Variants in SCGB2B2 observed in about 807,000 individuals in gnomAD.
The protein encoded by SCGB2B2 is secretoglobin-like protein.
A neutral mutation model predicts 7.6 loss-of-function variants in SCGB2B2; 11 were observed. The observed-to-expected ratio is 1.45, with a 90% CI of 0.91 to 2.40. SCGB2B2 has a LOEUF of 2.40. Among genes scored for constraint, SCGB2B2 ranks in the 30% most tolerant of loss-of-function variants. The pLI, the probability that SCGB2B2 is intolerant of heterozygous loss-of-function variation, is 0.00. For synonymous variants in SCGB2B2, 50 were observed against 48.6 expected (o/e 1.03, Z -0.12); for missense variants, 104 against 115.4 (o/e 0.90, Z 0.45).
At chr19:34,665,312 T>C (rs979984587) in intron 1 of SCGB2B2, among the ~76,000 whole-genome samples, 2 of 152,192 alleles carry the variant, frequency 1.3e-5, no homozygotes, top group African/African-American at 4.8e-5. Context: ...TAAACCTTCA[T>C]GGAACTGCTG....
chr19:34,669,369 A>C lies in SCGB2B2; in HGVS notation c.-2032+6261T>G, dbSNP rs1223561752. 2.0e-5 allele frequency among the ~76,000 whole-genome samples: 3 copies of C among 152,356 alleles called. No homozygotes were observed. The East Asian group carries it at 5.8e-4, about 29-fold the overall frequency. The stretch of plus-strand genomic sequence containing the variant: ...ACTAATTTTCACGAAAGCTGCACCT[A>C]ATCTGCTACCCATTCAGACAAACAA... On this transcript the variant is annotated intron_variant, in intron 1 of 3. Coordinates refer to ENST00000601241, the MANE Select transcript of SCGB2B2 (RefSeq NM_001025591.4).
rs1034626046 is a variant in SCGB2B2, at chr19:34,633,431, C to T, written c.-2031-36837G>A. Reference sequence around the variant, plus strand: ...TGGAGTATCTATATAAAGCTATACACGAGTCTGTAATAAAACAATGAAGTG... The same window carrying T: ...TGGAGTATCTATATAAAGCTATACATGAGTCTGTAATAAAACAATGAAGTG... On this transcript the variant is annotated intron_variant, in intron 1 of 3. Transcript: ENST00000601241. 5.9e-5 allele frequency among the ~76,000 whole-genome samples: 9 copies of T among 152,180 alleles called. No individual in the cohort carries two copies. In the East Asian group the frequency reaches 1.2e-3, roughly 20 times the overall value.
rs1001078943 is a variant in SCGB2B2 at position 34,592,658 on chromosome 19, C to T, written c.*897G>A. Among the ~76,000 whole-genome samples the T allele has an allele frequency of 2.6e-5, 4 of 152,072 alleles. No individual in the cohort carries two copies. Among genetic ancestry groups the T allele is most frequent in the Admixed American group, 1.3e-4 (2 of 15,268 alleles). Reference sequence around the variant, plus strand: ...TATTGAAGGCCACTGAGACCTCCATCGAGGATGAAATCAACTGAGGGGTGA... The same window carrying T: ...TATTGAAGGCCACTGAGACCTCCATTGAGGATGAAATCAACTGAGGGGTGA... On this transcript the variant is annotated 3_prime_UTR_variant, in exon 4 of 4. Coordinates refer to ENST00000601241, the MANE Select transcript of SCGB2B2 (RefSeq NM_001025591.4).
chr19:34,592,255 G>A lies in SCGB2B2; in HGVS notation c.*1300C>T, dbSNP rs1220030811. 6.6e-6 allele frequency among the ~76,000 whole-genome samples: 1 copy of A among 152,190 alleles called. No individual in the cohort carries two copies. Among genetic ancestry groups the A allele is most frequent in the Non-Finnish European group, 1.5e-5 (1 of 68,038 alleles). ...GGAAATCTGGGAGTGCAAAGATAGG[G>A]TGGTCAGCAGTGGAGCCTTGTCCTG... On this transcript the variant is annotated 3_prime_UTR_variant, in exon 4 of 4. Transcript: ENST00000601241.
At chr19:34,675,498 T>G (rs1474131993) in intron 1 of SCGB2B2, 132 bp downstream of exon 1, 2 of 152,180 alleles carry the variant, frequency 1.3e-5, no homozygotes, top group Non-Finnish European at 2.9e-5. Context: ...ACTTAAGGCA[T>G]TCTAAGTCAC....
chr19:34,627,039 T>C lies in SCGB2B2; in HGVS notation c.-2031-30445A>G, dbSNP rs542511667. ...CATACGTGAAGGAGAAATAAAATCC[T>C]TTACAGACAAGCAAATGCTGAGAGA... On this transcript the variant is annotated intron_variant, in intron 1 of 3. Coordinates refer to ENST00000601241, the MANE Select transcript of SCGB2B2 (RefSeq NM_001025591.4). 3.9e-4 allele frequency among the ~76,000 whole-genome samples: 60 copies of C among 152,268 alleles called. No individual in the cohort carries two copies. In the East Asian group the frequency reaches 0.01, roughly 26 times the overall value.
intron 1 of SCGB2B2, among the ~76,000 whole-genome samples, chr19:34,624,392 A>C (rs2066314160): frequency 6.6e-6 from 1 of 152,190 alleles, no homozygotes; most frequent in Non-Finnish European, 1.5e-5. Flanking sequence ...AGTTTAGTTT[A>C]GTTTAGTTGA....
chr19:34,629,637 G>C (rs1255824070), intron 1 of SCGB2B2, among the ~76,000 whole-genome samples: 4 of 151,948 alleles, frequency 2.6e-5, no homozygotes, highest in Admixed American at 1.3e-4. Flanking sequence ...ACAAATGGAA[G>C]AACATTCCAT....
chr19:34,626,752 A>G (rs2066389832), intron 1 of SCGB2B2, among the ~76,000 whole-genome samples: 1 of 152,340 alleles, frequency 6.6e-6, no homozygotes. Flanking sequence ...CAGGAAACAC[A>G]GAGAATACCA....
rs752666776 is a variant in SCGB2B2, at chr19:34,594,198, T to A, written c.223A>T (p.Arg75Ter). 1.6e-5 allele frequency: 26 copies of A among 1,613,998 alleles called. No homozygotes were observed. Among genetic ancestry groups the A allele is most frequent in the Non-Finnish European group, 2.0e-5 (24 of 1,179,990 alleles). The change falls in exon 3 of 4, where the codon AGA (arginine) becomes TGA (stop). Residue 75 changes from arginine (R) to a stop codon, truncating the protein, a stop_gained. Transcript: ENST00000601241. LOFTEE classifies it high-confidence loss of function. ...ACAATAACAACTGAATGAGCAAATCTTTCTGTCACGGAGACATTGGCAAAG... is the reference window on the plus strand; with the variant it reads ...ACAATAACAACTGAATGAGCAAATCATTCTGTCACGGAGACATTGGCAAAG... ...QCFANVSVTERFAHSVVIKKI... is the reference protein window; with the variant it reads ...QCFANVSVTE
chr19:34,588,933 C>T (rs952839401), downstream of SCGB2B2, among the ~76,000 whole-genome samples: 3 of 151,974 alleles, frequency 2.0e-5, no homozygotes, highest in African/African-American at 7.3e-5. Flanking sequence ...GAGATGGGGC[C>T]CAGCAAAGTG....
chr19:34,644,482 G>A (rs1379737426), intron 1 of SCGB2B2, among the ~76,000 whole-genome samples: 3 of 150,394 alleles, frequency 2.0e-5, no homozygotes, highest in Non-Finnish European at 4.4e-5. Flanking sequence ...CACCACTATC[G>A]ATGTCCAAAA....
chr19:34,674,332 G>A (rs760141342), intron 1 of SCGB2B2, among the ~76,000 whole-genome samples: 6 of 152,142 alleles, frequency 3.9e-5, no homozygotes, highest in Non-Finnish European at 7.3e-5. Context: ...TTCATCTAAG[G>A]ATATGGGAAA....
intron 1 of SCGB2B2, among the ~76,000 whole-genome samples, chr19:34,636,808 C>T (rs1044936458): frequency 1.2e-4 from 18 of 152,148 alleles, no homozygotes; most frequent in South Asian, 4.1e-4. Context: ...GACGTTAAGC[C>T]ATCCCTCACT....
chr19:34,623,445 C>A (rs998976273), intron 1 of SCGB2B2, among the ~76,000 whole-genome samples: 1 of 152,144 alleles, frequency 6.6e-6, no homozygotes, highest in African/African-American at 2.4e-5. Context: ...GAAAGGGCGT[C>A]CTCCTTCTCC....
rs2065393256 is a variant in SCGB2B2, at chr19:34,594,623, T to C, written c.-60A>G. ...GGAATTTGGCGATGGGTGAGCTTTA[T>C]GTATATCTGAACAAGGCACATGCCT... On this transcript the variant is annotated 5_prime_UTR_variant, in exon 2 of 4. Coordinates refer to ENST00000601241, the MANE Select transcript of SCGB2B2 (RefSeq NM_001025591.4). 1.5e-6 allele frequency: 2 copies of C among 1,351,496 alleles called. No homozygotes were observed. Among genetic ancestry groups the C allele is most frequent in the Non-Finnish European group, 2.1e-6 (2 of 944,692 alleles). The allele number at this position is 1,351,496 out of a possible 1,614,324, so 83.7% of individuals were successfully genotyped here.
intron 1 of SCGB2B2, among the ~76,000 whole-genome samples, chr19:34,621,221 AC>A (rs2066232244): frequency 6.6e-6 from 1 of 152,152 alleles, no homozygotes; most frequent in Non-Finnish European, 1.5e-5. Flanking sequence ...ACAGAAGAAA[AC>A]CCAGCAGTTG....
chr19:34,593,589 A>C lies in SCGB2B2; in HGVS notation c.257T>G (p.Leu86Arg), dbSNP rs956081454. The change falls in exon 4 of 4, where the codon CTT (leucine) becomes CGT (arginine). Residue 86 changes from leucine to arginine, a missense_variant. Transcript: ENST00000601241. ...TGCTTCTATGCAATCGTTGCTCTGA[A>C]GGATCTTCTTCTGTTGGAAAAAGAA... ...FAHSVVIKKI[L>R]QSNDCIEAAF The C allele has an allele frequency of 3.9e-6, 6 of 1,553,200 alleles. No homozygotes were observed. In the African/African-American group the frequency reaches 5.5e-5, roughly 14 times the overall value.
chr19:34,661,226 A>T (rs1483789776), intron 1 of SCGB2B2, among the ~76,000 whole-genome samples: 5 of 152,188 alleles, frequency 3.3e-5, no homozygotes, highest in Admixed American at 2.0e-4. Flanking sequence ...TACCTATGTA[A>T]CAAACCTGCA....
Sources: allele counts gnomAD v4.1 joint callset (sites outside exome capture counted in the v4.1 genomes callset), GRCh38; gene constraint gnomAD v4.1.1; transcripts MANE v1.5; gene names NCBI Gene and HGNC (gene_info 2026-07-23, HGNC 2026-07-21).